Variants in KIRREL3 observed in about 807,000 individuals in gnomAD.
KIRREL3 encodes kin of IRRE-like protein 3.
KIRREL3 carries 36 observed loss-of-function variants against 89.7 expected under a neutral mutation model. The observed-to-expected ratio is 0.40, with a 90% CI of 0.31 to 0.53. KIRREL3 has a LOEUF of 0.53. Among genes scored for constraint, KIRREL3 ranks in the 20% least tolerant of loss-of-function variants. The probability of loss-of-function intolerance (pLI) is 0.49; values close to 1 mark genes in which losing one functional copy is unlikely to be tolerated. For synonymous variants in KIRREL3, 445 were observed against 441.4 expected, an observed-to-expected ratio of 1.01 and a Z score of -0.10; for missense variants, 864 against 1,056.6, an observed-to-expected ratio of 0.82 and a Z score of 2.53.
chr11:126,585,518 G>A (rs1050774111), intron 1 of KIRREL3, among the ~76,000 whole-genome samples: 1 of 152,130 alleles, frequency 6.6e-6, no homozygotes, highest in Non-Finnish European at 1.5e-5. Context: ...ACAGGCATGA[G>A]CCACCGCGCC....
intron 1 of KIRREL3, among the ~76,000 whole-genome samples, chr11:126,745,795 C>T (rs1321995834): frequency 6.6e-6 from 1 of 152,204 alleles, no homozygotes; most frequent in Non-Finnish European, 1.5e-5. Context: ...CACAATTCAC[C>T]TCCAAGATGT....
intron 1 of KIRREL3, among the ~76,000 whole-genome samples, chr11:126,727,606 G>A (rs1299510447): frequency 6.6e-6 from 1 of 152,168 alleles, no homozygotes; most frequent in Non-Finnish European, 1.5e-5. Context: ...CTCCCTCGGG[G>A]GGGTCTGGCC....
Position 126,764,157 on chromosome 11 carries a change from T to C in KIRREL3, c.56-201245A>G, listed in dbSNP as rs894615533. ...ATGAAATGCTAACTTTTCCCCTGTC[T>C]AACCCACTCACCCACATACCCTGGG... is the stretch of plus-strand genomic sequence containing the variant. On this transcript the variant is annotated intron_variant, in intron 1 of 16. Transcript: ENST00000525144. This position sits in a 1 kb window ranked among gnomAD's most constrained non-coding sequence, Gnocchi z 4.2. Among the ~76,000 whole-genome samples the C allele has an allele frequency of 1.3e-5, 2 of 152,208 alleles. No individual in the cohort carries two copies. Among genetic ancestry groups the C allele is most frequent in the African/African-American group, 4.8e-5 (2 of 41,452 alleles).
rs1421157241 is a variant in KIRREL3, at chr11:126,996,625, C to T, written c.55+3830G>A. ...TGTCTACGAGATGCCTTTCTATTCC[C>T]TAGGAGATTCAGATCACCATGACCC... On this transcript the variant is annotated intron_variant, in intron 1 of 16. Transcript: ENST00000525144. The surrounding 1 kb of genome is among the most constrained non-coding windows in gnomAD (Gnocchi z 4.7). Among the ~76,000 whole-genome samples the T allele has an allele frequency of 6.6e-6, 1 of 152,142 alleles. No individual in the cohort carries two copies. Among genetic ancestry groups the T allele is most frequent in the Non-Finnish European group, 1.5e-5 (1 of 68,026 alleles).
Position 126,976,039 on chromosome 11 carries a change from A to T in KIRREL3, c.55+24416T>A, listed in dbSNP as rs1053307208. On this transcript the variant is annotated intron_variant, in intron 1 of 16. Transcript: ENST00000525144. This position sits in a 1 kb window ranked among gnomAD's most constrained non-coding sequence, Gnocchi z 4.2. Reference sequence around the variant, plus strand: ...TCTCAGGACAGAGCATACCCATTCCAGATGTGGGTCACATCAGCAGAGGGT... The same window carrying T: ...TCTCAGGACAGAGCATACCCATTCCTGATGTGGGTCACATCAGCAGAGGGT... Among the ~76,000 whole-genome samples the T allele has an allele frequency of 6.6e-6, 1 of 150,952 alleles. No individual in the cohort carries two copies. The highest frequency in any genetic ancestry group is 1.5e-5 in the Non-Finnish European group (1 of 67,898).
rs1181108101 is a variant in KIRREL3 at position 126,424,579 on chromosome 11, C to T, written c.*1G>A. On this transcript the variant is annotated 3_prime_UTR_variant, in exon 17 of 17. Coordinates refer to ENST00000525144, the MANE Select transcript of KIRREL3 (RefSeq NM_032531.4). Reference sequence around the variant, plus strand: ...CCGTCCCCACCCGCGGTGTGTGATCCTTAGACGTGAGTCTGCATCCGCCGC... The same window carrying T: ...CCGTCCCCACCCGCGGTGTGTGATCTTTAGACGTGAGTCTGCATCCGCCGC... 1 of 1,613,582 alleles carries T rather than the reference C, an allele frequency of 6.2e-7. No homozygotes were observed. Among genetic ancestry groups the T allele is most frequent in the Non-Finnish European group, 8.5e-7 (1 of 1,179,800 alleles).
rs577018791 is a variant in KIRREL3, at chr11:126,453,204, G to A, written c.848+3145C>T. On this transcript the variant is annotated intron_variant, in intron 7 of 16. Transcript: ENST00000525144. ...TTTATATCACAGAATCAGGGGGGCT[G>A]GCGTGTCACAGCCGCCAGGTTGTCC... Among the ~76,000 whole-genome samples the A allele has an allele frequency of 1.7e-4, 26 of 152,236 alleles. 1 individual carries two copies. Among genetic ancestry groups the A allele is most frequent in the Admixed American group, 1.2e-3 (19 of 15,294 alleles).
intron 1 of KIRREL3, among the ~76,000 whole-genome samples, chr11:126,869,159 T>G (rs1023350460): frequency 6.6e-6 from 1 of 151,148 alleles, no homozygotes; most frequent in Non-Finnish European, 1.5e-5. Context: ...GAGGGCTTTT[T>G]TTTTTTTTTT....
chr11:126,662,661 C>T (rs1945460217), intron 1 of KIRREL3, among the ~76,000 whole-genome samples: 1 of 152,198 alleles, frequency 6.6e-6, no homozygotes, highest in African/African-American at 2.4e-5. Context: ...GGCCCCACCT[C>T]TCAATACTGT....
Position 126,652,608 on chromosome 11 carries a change from G to T in KIRREL3, c.56-89696C>A, listed in dbSNP as rs570438491. Among the ~76,000 whole-genome samples the T allele has an allele frequency of 1.1e-4, 16 of 152,248 alleles. No individual in the cohort carries two copies. The highest frequency in any genetic ancestry group is 3.9e-4 in the African/African-American group (16 of 41,540). On this transcript the variant is annotated intron_variant, in intron 1 of 16. Transcript: ENST00000525144. This position sits in a 1 kb window ranked among gnomAD's most constrained non-coding sequence, Gnocchi z 4.9. ...TAGGTAGCGGGGCTGGGTTCCTAAG[G>T]ATGTCTGATTCTGAAGCCTGGTCCT...
At position 126,471,163 on chromosome 11, in the gene KIRREL3, G is replaced by A. The variant is rs1956879299; in HGVS notation, c.591+2146C>T. On this transcript the variant is annotated intron_variant, in intron 5 of 16. Coordinates refer to ENST00000525144, the MANE Select transcript of KIRREL3 (RefSeq NM_032531.4). The surrounding 1 kb of genome is among the most constrained non-coding windows in gnomAD (Gnocchi z 5.4). ...ACCTGAGGTCGGGAGTTTGAGACCA[G>A]CCTGACCAACATGGAGTAACCCCGT... Among the ~76,000 whole-genome samples, 1 of 151,980 alleles carries A rather than the reference G, an allele frequency of 6.6e-6. No homozygotes were observed. Among genetic ancestry groups the A allele is most frequent in the Non-Finnish European group, 1.5e-5 (1 of 68,008 alleles).
At chr11:126,583,038 C>G (rs1277288312) in intron 1 of KIRREL3, among the ~76,000 whole-genome samples, 3 of 152,134 alleles carry the variant, frequency 2.0e-5, no homozygotes, top group Non-Finnish European at 4.4e-5. Context: ...TACTCAGACC[C>G]TCCCATCTCT....
intron 6 of KIRREL3, among the ~76,000 whole-genome samples, chr11:126,457,199 G>GTGTGTGTGTGTGTGTGTA (rs1226334048): frequency 6.6e-6 from 1 of 151,326 alleles, no homozygotes; most frequent in Admixed American, 6.6e-5. Flanking sequence ...GTGTGTGTGT[G>GTGTGTGTGTGTGTGTGTA]TGTGTGTGTG....
In KIRREL3 at chr11:126,796,760, C is replaced by A. The variant is rs986424382; in HGVS notation, c.55+203695G>T. On this transcript the variant is annotated intron_variant, in intron 1 of 16. Transcript: ENST00000525144. The surrounding 1 kb of genome is among the most constrained non-coding windows in gnomAD (Gnocchi z 5.1). ...GCATGATCTTGGCTCACTGCAGCCTCAACTTCCCAGGCTGAAGCTATCCTC... is the reference window on the plus strand; with the variant it reads ...GCATGATCTTGGCTCACTGCAGCCTAAACTTCCCAGGCTGAAGCTATCCTC... 6.6e-6 allele frequency among the ~76,000 whole-genome samples: 1 copy of A among 152,168 alleles called. No homozygotes were observed. Among genetic ancestry groups the A allele is most frequent in the Non-Finnish European group, 1.5e-5 (1 of 68,030 alleles).
At position 126,771,892 on chromosome 11, in the gene KIRREL3, G is replaced by T. The variant is rs1033241789; in HGVS notation, c.56-208980C>A. On this transcript the variant is annotated intron_variant, in intron 1 of 16. Transcript: ENST00000525144. This position sits in a 1 kb window ranked among gnomAD's most constrained non-coding sequence, Gnocchi z 4.4. ...CATCTCTGCAATTCCTTTGTTGACAGGCTGAGCATGCAGCAATAGAAGACG... is the reference window on the plus strand; with the variant it reads ...CATCTCTGCAATTCCTTTGTTGACATGCTGAGCATGCAGCAATAGAAGACG... Among the ~76,000 whole-genome samples, 1 of 152,210 alleles carries T rather than the reference G, an allele frequency of 6.6e-6. No homozygotes were observed.
At chr11:126,762,584 C>T (rs573959693) in intron 1 of KIRREL3, among the ~76,000 whole-genome samples, 1 of 152,178 alleles carries the variant, frequency 6.6e-6, no homozygotes, top group South Asian at 2.1e-4. Context: ...TTCTCACCTC[C>T]CCGTTGACCA....
intron 1 of KIRREL3, among the ~76,000 whole-genome samples, chr11:126,732,055 G>C (rs1020148790): frequency 7.2e-5 from 11 of 152,182 alleles, no homozygotes; most frequent in Non-Finnish European, 2.9e-5. Flanking sequence ...GGTTTCCAGC[G>C]AGTGCCAGGA....
At position 126,814,745 on chromosome 11, in the gene KIRREL3, A is replaced by G. The variant is rs1951501911; in HGVS notation, c.55+185710T>C. 6.6e-6 allele frequency among the ~76,000 whole-genome samples: 1 copy of G among 152,180 alleles called. No individual in the cohort carries two copies. Among genetic ancestry groups the G allele is most frequent in the South Asian group, 2.1e-4 (1 of 4,824 alleles). On this transcript the variant is annotated intron_variant, in intron 1 of 16. Coordinates refer to ENST00000525144, the MANE Select transcript of KIRREL3 (RefSeq NM_032531.4). This position sits in a 1 kb window ranked among gnomAD's most constrained non-coding sequence, Gnocchi z 4.4. Reference sequence around the variant, plus strand: ...AGAACACGTGGACACAGGGAGGGGAACAACACACACTGGGACCTGATGGGG... The same window carrying G: ...AGAACACGTGGACACAGGGAGGGGAGCAACACACACTGGGACCTGATGGGG...
intron 1 of KIRREL3, among the ~76,000 whole-genome samples, chr11:126,893,721 C>A (rs1946021509): frequency 6.6e-6 from 1 of 152,222 alleles, no homozygotes; most frequent in South Asian, 2.1e-4. Context: ...TCTGAATGCA[C>A]TTAAATTTGC....
Sources: allele counts gnomAD v4.1 joint callset (sites outside exome capture counted in the v4.1 genomes callset), GRCh38; gene constraint gnomAD v4.1.1; non-coding constraint Gnocchi (gnomAD v3.1); transcripts MANE v1.5; gene names NCBI Gene and HGNC (gene_info 2026-07-23, HGNC 2026-07-21).